KLHL3: variants seen among roughly 807,000 people sequenced by gnomAD.
The protein encoded by KLHL3 is kelch-like protein 3.
In KLHL3, 19 loss-of-function variants were observed where a neutral mutation model predicts 70.5. The observed-to-expected ratio is 0.27, with a 90% CI of 0.19 to 0.40. The LOEUF is 0.40. Among genes scored for constraint, KLHL3 ranks in the 10% least tolerant of loss-of-function variants. The probability of loss-of-function intolerance (pLI) is 1.00; values close to 1 mark genes in which losing one functional copy is unlikely to be tolerated. For missense variants in KLHL3, 512 were observed against 771.1 expected (o/e 0.66, Z 3.98); for synonymous variants, 258 against 290.3 (o/e 0.89, Z 1.13).
At chr5:137,664,823 A>T (rs1257166779) in intron 6 of KLHL3, among the ~76,000 whole-genome samples, 1 of 152,132 alleles carries the variant, frequency 6.6e-6, no homozygotes. Context: ...ATCTTTAAAA[A>T]AATAATAATA....
chr5:137,718,007 T>A (rs1474233653), intron 2 of KLHL3, among the ~76,000 whole-genome samples: 1 of 152,234 alleles, frequency 6.6e-6, no homozygotes, highest in Non-Finnish European at 1.5e-5. Context: ...TAGTCAAATA[T>A]GTGTGGAAAA....
chr5:137,679,780 C>T (rs1751979637), intron 5 of KLHL3, among the ~76,000 whole-genome samples: 1 of 152,154 alleles, frequency 6.6e-6, no homozygotes, highest in South Asian at 2.1e-4. Context: ...TGGAACCTTC[C>T]ACTGAAATCC....
chr5:137,670,842 G>A (rs1472288805), intron 6 of KLHL3, among the ~76,000 whole-genome samples: 2 of 151,520 alleles, frequency 1.3e-5, no homozygotes, highest in Non-Finnish European at 1.5e-5. Context: ...AAGTGGTGGC[G>A]GGCACCTGTA....
intron 2 of KLHL3, among the ~76,000 whole-genome samples, chr5:137,720,041 C>A (rs1561619653): frequency 6.6e-6 from 1 of 152,162 alleles, no homozygotes; most frequent in African/African-American, 2.4e-5. Flanking sequence ...GTGGCTCACG[C>A]CTGTAATCCC....
intron 5 of KLHL3, among the ~76,000 whole-genome samples, chr5:137,679,241 C>T (rs1396243647): frequency 6.6e-6 from 1 of 152,046 alleles, no homozygotes; most frequent in African/African-American, 2.4e-5. Flanking sequence ...AGTCTTTGGA[C>T]CACAGTCCCC....
At chr5:137,641,485 G>C (rs1452425565) in intron 8 of KLHL3, among the ~76,000 whole-genome samples, 2 of 152,044 alleles carry the variant, frequency 1.3e-5, no homozygotes, top group African/African-American at 4.8e-5. Context: ...GCTCTGTATG[G>C]ATTTCCTGAT....
At chr5:137,641,196 T>C (rs1301772423) in intron 8 of KLHL3, among the ~76,000 whole-genome samples, 1 of 152,242 alleles carries the variant, frequency 6.6e-6, no homozygotes, top group Non-Finnish European at 1.5e-5. Context: ...CATTCCAATA[T>C]GCTTTCTTGA....
intron 8 of KLHL3, among the ~76,000 whole-genome samples, chr5:137,655,613 T>C (rs1411438495): frequency 6.6e-6 from 1 of 152,094 alleles, no homozygotes; most frequent in African/African-American, 2.4e-5. Context: ...AGAGGCAAAT[T>C]GCAAACTAAG....
intron 10 of KLHL3, among the ~76,000 whole-genome samples, chr5:137,638,575 A>C (rs1750827707): frequency 6.6e-6 from 1 of 152,212 alleles, no homozygotes. Context: ...GACCTGAGCC[A>C]GGTCTCTTCC....
chr5:137,725,504 T>G (rs1753072057), intron 1 of KLHL3, among the ~76,000 whole-genome samples: 1 of 152,204 alleles, frequency 6.6e-6, no homozygotes, highest in Admixed American at 6.5e-5. Context: ...AACCTTCATC[T>G]GTATCCCAGT....
intron 5 of KLHL3, among the ~76,000 whole-genome samples, chr5:137,683,340 C>CTGAA (rs1752081081): frequency 6.6e-6 from 1 of 152,164 alleles, no homozygotes; most frequent in Non-Finnish European, 1.5e-5. Context: ...TGCCTCTGAA[C>CTGAA]TGAACCACAG....
chr5:137,702,562 T>C (rs1466976374), intron 3 of KLHL3, among the ~76,000 whole-genome samples: 1 of 152,222 alleles, frequency 6.6e-6, no homozygotes, highest in Non-Finnish European at 1.5e-5. Flanking sequence ...CTAAGGAGTT[T>C]AGACTTCATC....
intron 12 of KLHL3, among the ~76,000 whole-genome samples, chr5:137,631,396 T>G (rs1298952608): frequency 1.3e-5 from 2 of 151,982 alleles, no homozygotes; most frequent in African/African-American, 4.8e-5. Flanking sequence ...TTTTGAAAAG[T>G]CATTTTCTTC....
intron 6 of KLHL3, among the ~76,000 whole-genome samples, chr5:137,662,377 A>G (rs1693051904): frequency 6.6e-6 from 1 of 152,164 alleles, no homozygotes; most frequent in South Asian, 2.1e-4. Context: ...AAAAATACAG[A>G]GCAGTAACTG....
intron 2 of KLHL3, among the ~76,000 whole-genome samples, chr5:137,714,334 T>C (rs536557612): frequency 6.6e-6 from 1 of 152,150 alleles, no homozygotes; most frequent in South Asian, 2.1e-4. Flanking sequence ...CCCAGACATA[T>C]ACCTAAGAGA....
At position 137,690,258 on chromosome 5, in the gene KLHL3, C is replaced by T. The variant is rs532329277; in HGVS notation, c.526+2027G>A. Among the ~76,000 whole-genome samples the T allele has an allele frequency of 7.7e-4, 116 of 150,918 alleles. No individual in the cohort carries two copies. In the Middle Eastern group the frequency reaches 0.014, roughly 18 times the overall value. On this transcript the variant is annotated intron_variant, in intron 5 of 14. Coordinates refer to ENST00000309755, the MANE Select transcript of KLHL3 (RefSeq NM_017415.3). The stretch of plus-strand genomic sequence containing the variant: ...AGGAGAATGGCGTGAACCCAGGAGG[C>T]GGAGCTTGCAGTGAGCCGAGATTGC...
At chr5:137,644,351 T>C (rs568355502) in intron 8 of KLHL3, among the ~76,000 whole-genome samples, 2 of 152,376 alleles carry the variant, frequency 1.3e-5, no homozygotes, top group African/African-American at 2.4e-5. Context: ...ATTACAAGCA[T>C]GAGCCACTGT....
chr5:137,674,230 G>A lies in KLHL3; in HGVS notation c.636+3315C>T, dbSNP rs571794020. Among the ~76,000 whole-genome samples the A allele has an allele frequency of 5.3e-5, 8 of 152,022 alleles. No homozygotes were observed. In the East Asian group the frequency reaches 7.7e-4, roughly 15 times the overall value. On this transcript the variant is annotated intron_variant, in intron 6 of 14. Transcript: ENST00000309755. ...GAGCCATAGGGAGGTTCTTTTATTC[G>A]TCCTTTCAACAGCTATTTTTTTAGT...
intron 6 of KLHL3, among the ~76,000 whole-genome samples, chr5:137,665,554 C>T (rs1751593011): frequency 6.6e-6 from 1 of 152,114 alleles, no homozygotes; most frequent in African/African-American, 2.4e-5. Flanking sequence ...GTAAAGACTA[C>T]ATGAATGTTC....
Sources: allele counts gnomAD v4.1 joint callset (sites outside exome capture counted in the v4.1 genomes callset), GRCh38; gene constraint gnomAD v4.1.1; transcripts MANE v1.5; gene names NCBI Gene and HGNC (gene_info 2026-07-23, HGNC 2026-07-21).